HMCN1: variants seen among roughly 807,000 people sequenced by gnomAD.
HMCN1 encodes hemicentin 1, also known as hemicentin-1.
A neutral mutation model predicts 625.9 loss-of-function variants in HMCN1; 321 were observed. That is an observed-to-expected ratio of 0.51 (90% CI 0.47 to 0.56). The LOEUF is 0.56. Ranked by LOEUF, HMCN1 falls within the 20% of genes least tolerant of loss-of-function variation. The pLI, the probability that HMCN1 is intolerant of heterozygous loss-of-function variation, is 0.00. For missense variants in HMCN1, 6,588 were observed against 6,887.3 expected, an observed-to-expected ratio of 0.96 and a Z score of 1.54; for synonymous variants, 2,425 against 2,417.6, an observed-to-expected ratio of 1.00 and a Z score of -0.09.
At chr1:186,084,388 A>G (rs141304461) in intron 57 of HMCN1, among the ~76,000 whole-genome samples, 5 of 152,256 alleles carry the variant, frequency 3.3e-5, no homozygotes, top group East Asian at 1.9e-4. Flanking sequence ...TGTTTTACCA[A>G]TAAGGATTGG....
chr1:185,949,365 A>T (rs1026714378), intron 11 of HMCN1, among the ~76,000 whole-genome samples: 1 of 151,826 alleles, frequency 6.6e-6, no homozygotes. Context: ...AATAAAAAGG[A>T]GCGTGTATAC....
intron 1 of HMCN1, among the ~76,000 whole-genome samples, chr1:185,756,485 A>T (rs1013985046): frequency 3.3e-5 from 5 of 151,870 alleles, no homozygotes; most frequent in East Asian, 1.9e-4. Flanking sequence ...GGGTAAAAAA[A>T]AAAAAAAGAA....
At position 185,829,658 on chromosome 1, in the gene HMCN1, T is replaced by C. The variant is rs146710639; in HGVS notation, c.269-16368T>C. 2.1e-3 allele frequency among the ~76,000 whole-genome samples: 320 copies of C among 152,316 alleles called. 1 individual carries two copies. The highest frequency in any genetic ancestry group is 7.2e-3 in the African/African-American group (298 of 41,568). ...CACATTTTCTTTATCCAGTCTATCA[T>C]TGGTGGGCATTTGGGTTGATTCCAT... On this transcript the variant is annotated intron_variant, in intron 1 of 106. Coordinates refer to ENST00000271588, the MANE Select transcript of HMCN1 (RefSeq NM_031935.3).
At chr1:186,022,634 T>A (rs1349893012) in intron 35 of HMCN1, among the ~76,000 whole-genome samples, 13 of 152,186 alleles carry the variant, frequency 8.5e-5, no homozygotes, top group African/African-American at 3.1e-4. Flanking sequence ...GTTTTTCTGG[T>A]TCCCATGATC....
rs1456261595 is a variant in HMCN1, at chr1:185,909,525, A to G, written c.793+17A>G. The G allele has an allele frequency of 3.1e-6, 5 of 1,604,666 alleles. No individual in the cohort carries two copies. Among genetic ancestry groups the G allele is most frequent in the South Asian group, 1.1e-5 (1 of 90,866 alleles). ...ATCCTTTAGGTGAGATATATCAAAC[A>G]TCACATAATAAAATACAAAATACAT... On this transcript the variant is annotated intron_variant, in intron 5 of 106. Coordinates refer to ENST00000271588, the MANE Select transcript of HMCN1 (RefSeq NM_031935.3).
chr1:186,136,638 A>T, intron 86 of HMCN1, 30 bp from the exon 87 acceptor site: 1 of 1,612,314 alleles, frequency 6.2e-7, no homozygotes, highest in African/African-American at 1.3e-5. Flanking sequence ...ACTCCACAAA[A>T]ACTGAGACAC....
chr1:186,108,474 T>G lies in HMCN1; in HGVS notation c.10866T>G (p.Ile3622Met), dbSNP rs374449197. ...TCTCACACCCAGTACCTCCTAATAT[T>G]GCTGGAACTGATGAGCCCCGGGATA... is the stretch of plus-strand genomic sequence containing the variant. Reference protein sequence around the residue: ...YLVRVHVPPNIAGTDEPRDIT... With the variant: ...YLVRVHVPPNMAGTDEPRDIT... The change falls in exon 71 of 107, where the codon ATT (isoleucine) becomes ATG (methionine). Residue 3622 changes from isoleucine to methionine, a missense_variant. Ile to Met is a conservative substitution (Grantham distance 10). Around this residue, in one of 3 missense-constraint regions of HMCN1, gnomAD observed 4,628 missense variants for 4,853.1 expected, o/e 0.95. Coordinates refer to ENST00000271588, the MANE Select transcript of HMCN1 (RefSeq NM_031935.3). 53 of 1,614,010 alleles carry G rather than the reference T, an allele frequency of 3.3e-5. No individual in the cohort carries two copies. Among genetic ancestry groups the G allele is most frequent in the Non-Finnish European group, 4.2e-5 (50 of 1,180,022 alleles).
At chr1:185,979,658 C>A (rs532588886) in intron 16 of HMCN1, among the ~76,000 whole-genome samples, 1 of 152,200 alleles carries the variant, frequency 6.6e-6, no homozygotes, top group South Asian at 2.1e-4. Context: ...ATTTTTATTT[C>A]CAAATGAATG....
chr1:186,158,261 G>C (rs1176866571), intron 97 of HMCN1, among the ~76,000 whole-genome samples: 2 of 150,572 alleles, frequency 1.3e-5, no homozygotes, highest in Non-Finnish European at 3.0e-5. Context: ...GTCTGTTCAT[G>C]TCCTTCGCCC....
At chr1:185,996,384 C>A (rs140856626) in intron 24 of HMCN1, among the ~76,000 whole-genome samples, 1 of 152,242 alleles carries the variant, frequency 6.6e-6, no homozygotes, top group Non-Finnish European at 1.5e-5. Context: ...TGAAGGCCAG[C>A]TGGCTGCATT....
chr1:185,747,691 T>C (rs944552363), intron 1 of HMCN1, among the ~76,000 whole-genome samples: 3 of 152,216 alleles, frequency 2.0e-5, no homozygotes, highest in African/African-American at 7.2e-5. Context: ...ATATTTAATT[T>C]TGAGATGGGG....
intron 4 of HMCN1, among the ~76,000 whole-genome samples, chr1:185,885,073 C>A (rs6667046): frequency 0.064 from 9,599 of 151,154 alleles, 1,067 homozygotes; most frequent in African/African-American, 0.22. Flanking sequence ...CTTGGACATG[C>A]CTTCATTTTA....
At chr1:186,049,545 C>A (rs11808513) in intron 42 of HMCN1, among the ~76,000 whole-genome samples, 1 of 151,916 alleles carries the variant, frequency 6.6e-6, no homozygotes, top group Admixed American at 6.6e-5. Context: ...ATAGTCACAA[C>A]TTTTGCCTCA....
intron 4 of HMCN1, among the ~76,000 whole-genome samples, chr1:185,867,532 A>G (rs1260150020): frequency 6.6e-6 from 1 of 152,168 alleles, no homozygotes; most frequent in Non-Finnish European, 1.5e-5. Context: ...ATTCTCTCTT[A>G]CATCAGCTTG....
intron 14 of HMCN1, among the ~76,000 whole-genome samples, chr1:185,969,011 C>T (rs1333393439): frequency 1.3e-5 from 2 of 152,062 alleles, no homozygotes; most frequent in African/African-American, 4.8e-5. Flanking sequence ...TAGAAAGCTA[C>T]TAGCAAAAAA....
intron 6 of HMCN1, among the ~76,000 whole-genome samples, chr1:185,912,503 G>T (rs969276359): frequency 3.9e-5 from 6 of 152,116 alleles, no homozygotes; most frequent in African/African-American, 1.4e-4. Context: ...CCATAAATCG[G>T]AGATCTAGTT....
At chr1:185,852,958 A>G (rs1157566611) in intron 2 of HMCN1, among the ~76,000 whole-genome samples, 3 of 152,104 alleles carry the variant, frequency 2.0e-5, no homozygotes, top group South Asian at 2.1e-4. Flanking sequence ...ATTAGGTAAC[A>G]TGTCTTACAC....
At chr1:186,005,860 G>T (rs1653593553) in intron 29 of HMCN1, among the ~76,000 whole-genome samples, 1 of 152,114 alleles carries the variant, frequency 6.6e-6, no homozygotes, top group Non-Finnish European at 1.5e-5. Context: ...ATGTGGCCAG[G>T]CACCGTGGCT....
rs533875042 is a variant in HMCN1, at chr1:185,985,629, C to T, written c.2935+1316C>T. On this transcript the variant is annotated intron_variant, in intron 19 of 106. Transcript: ENST00000271588. ...ACAAAATTCATTTGTCCATTTTAGT[C>T]CAAAATGAGTAACTAATTTAGTCAA... Among the ~76,000 whole-genome samples, 7 of 152,214 alleles carry T rather than the reference C, an allele frequency of 4.6e-5. No homozygotes were observed. In the East Asian group the frequency reaches 1.2e-3, roughly 25 times the overall value.
Sources: allele counts gnomAD v4.1 joint callset (sites outside exome capture counted in the v4.1 genomes callset), GRCh38; gene constraint gnomAD v4.1.1; regional missense constraint gnomAD v4.1.1; transcripts MANE v1.5; gene names NCBI Gene and HGNC (gene_info 2026-07-23, HGNC 2026-07-21).